DOCK9: variants seen among roughly 807,000 people sequenced by gnomAD.
The protein encoded by DOCK9 is dedicator of cytokinesis protein 9.
In DOCK9, 89 loss-of-function variants were observed where a neutral mutation model predicts 263.3. That is an observed-to-expected ratio of 0.34 (90% CI 0.28 to 0.40). DOCK9 has a LOEUF of 0.40. Ranked by LOEUF, DOCK9 falls within the 10% of genes least tolerant of loss-of-function variation. The pLI is 1.00. For missense variants in DOCK9, 2,140 were observed against 2,603.4 expected, an observed-to-expected ratio of 0.82 and a Z score of 3.87; for synonymous variants, 976 against 973.1, an observed-to-expected ratio of 1.00 and a Z score of -0.06.
intron 45 of DOCK9, among the ~76,000 whole-genome samples, chr13:98,812,230 TG>T (rs1341873737): frequency 1.4e-5 from 2 of 146,870 alleles, no homozygotes; most frequent in African/African-American, 5.1e-5. Context: ...CAAAAGGTAC[TG>T]AGTACTCCAC....
At chr13:98,898,625 C>G (rs2047788413) in intron 13 of DOCK9, among the ~76,000 whole-genome samples, 2 of 152,126 alleles carry the variant, frequency 1.3e-5, no homozygotes, top group Admixed American at 6.5e-5. Context: ...GTATCCATAT[C>G]AAAATATATC....
chr13:98,818,596 G>C (rs2092059423), intron 45 of DOCK9, among the ~76,000 whole-genome samples: 1 of 151,606 alleles, frequency 6.6e-6, no homozygotes, highest in African/African-American at 2.4e-5. Flanking sequence ...AAGCTGGTTG[G>C]GGGAAAATAT....
In DOCK9 at chr13:98,885,729, T is replaced by G. The variant is rs750991911; in HGVS notation, c.2239A>C (p.Arg747=). Residue 747 remains arginine, a synonymous_variant, in exon 20 of 53, where the codon AGG becomes CGG. Coordinates refer to ENST00000682017, the MANE Select transcript of DOCK9 (RefSeq NM_001366683.2). ...DNSSKGSTKK[R]DVVETQVGYS... ...CAACCTTGGGTTTCAACGACATCCC[T>G]CTTCTTCGTGCTTCCTTTACTTGAG... is the stretch of plus-strand genomic sequence containing the variant. The G allele has an allele frequency of 1.2e-6, 2 of 1,611,616 alleles. No homozygotes were observed. The highest frequency in any genetic ancestry group is 2.2e-5 in the South Asian group (2 of 90,460).
chr13:98,951,183 G>T (rs2057369693), intron 2 of DOCK9, among the ~76,000 whole-genome samples: 1 of 152,000 alleles, frequency 6.6e-6, no homozygotes, highest in Non-Finnish European at 1.5e-5. Context: ...GAAAAATAAA[G>T]GTTTATTAAT....
At chr13:99,007,509 C>A (rs1383632997) in intron 1 of DOCK9, among the ~76,000 whole-genome samples, 1 of 152,188 alleles carries the variant, frequency 6.6e-6, no homozygotes, top group Non-Finnish European at 1.5e-5. Flanking sequence ...GCAGTAGCAG[C>A]TTTATTCATC....
intron 15 of DOCK9, among the ~76,000 whole-genome samples, chr13:98,895,180 G>A (rs1166719527): frequency 1.3e-5 from 2 of 150,248 alleles, no homozygotes; most frequent in African/African-American, 2.4e-5. Flanking sequence ...TGGGGGAAGA[G>A]TTAAATAATC....
In DOCK9 at chr13:99,071,306, C is replaced by CCTTTTTTTTTTTTTTTTTT. The variant is rs1286343497; in HGVS notation, c.129+14916_129+14917insAAAAAAAAAAAAAAAAAAG. On this transcript the variant is annotated intron_variant, in intron 1 of 32. Coordinates refer to the DOCK9 transcript ENST00000427887. Reference sequence around the variant, plus strand: ...TACAGGTGCTTGCCACCATGCCTGGCTTTTTTTTTTTTTTTTTTTTTTTTT... The same window carrying CCTTTTTTTTTTTTTTTTTT: ...TACAGGTGCTTGCCACCATGCCTGGCCTTTTTTTTTTTTTTTTTTTTTTTTTTTTTTTTTTTTTTTTTTT... Among the ~76,000 whole-genome samples the CCTTTTTTTTTTTTTTTTTT allele has an allele frequency of 8.1e-5, 4 of 49,320 alleles. No individual in the cohort carries two copies. In the Admixed American group the frequency reaches 1.1e-3, roughly 14 times the overall value. 32.4% of individuals were successfully genotyped at this position (49,320 alleles called of 152,430 possible).
intron 33 of DOCK9, chr13:98,858,890 G>T (rs539142529): frequency 1.3e-5 from 2 of 152,312 alleles, no homozygotes; most frequent in East Asian, 3.9e-4. Flanking sequence ...GAGTCAAACA[G>T]AAGTATTAAA....
chr13:98,978,855 C>T (rs547110137), upstream of DOCK9, among the ~76,000 whole-genome samples: 3 of 152,150 alleles, frequency 2.0e-5, no homozygotes, highest in Admixed American at 2.0e-4. Flanking sequence ...CACCAACCTA[C>T]GGTTCAATGG....
At chr13:98,849,946 G>A in intron 36 of DOCK9, 101 bp downstream of exon 36, 1 of 820,072 alleles carries the variant, frequency 1.2e-6, no homozygotes, top group Non-Finnish European at 2.0e-6. Context: ...GTGAGGATGT[G>A]ACATACACTA....
intron 2 of DOCK9, among the ~76,000 whole-genome samples, chr13:98,951,962 A>T (rs2057481183): frequency 6.8e-6 from 1 of 147,032 alleles, no homozygotes. Flanking sequence ...CAATGGCGCG[A>T]TCTTGGCTCA....
At chr13:99,058,481 A>G (rs1301776544) in intron 1 of DOCK9, among the ~76,000 whole-genome samples, 1 of 152,110 alleles carries the variant, frequency 6.6e-6, no homozygotes, top group Non-Finnish European at 1.5e-5. Flanking sequence ...TGATATCTTG[A>G]TACAAACAGT....
chr13:99,082,404 A>T (rs766965731), intron 1 of DOCK9, among the ~76,000 whole-genome samples: 8 of 151,294 alleles, frequency 5.3e-5, no homozygotes, highest in Non-Finnish European at 8.8e-5. Context: ...CTATAATCTC[A>T]GCTACTCAGG....
intron 1 of DOCK9, among the ~76,000 whole-genome samples, chr13:99,035,991 A>G (rs796875433): frequency 7.2e-5 from 11 of 152,256 alleles, no homozygotes; most frequent in African/African-American, 2.6e-4. Flanking sequence ...CAATTGCAAC[A>G]TCAGCTCTTC....
At chr13:98,897,667 A>AT in intron 14 of DOCK9, 57 bp from the exon 15 acceptor site, 1 of 1,595,758 alleles carries the variant, frequency 6.3e-7, no homozygotes. Context: ...AAATCAATTC[A>AT]TTATTTAAGT....
At chr13:99,008,234 A>AT (rs398024127) in intron 1 of DOCK9, among the ~76,000 whole-genome samples, 1,810 of 93,874 alleles carry the variant, frequency 0.019, 41 homozygotes, top group East Asian at 0.048. Flanking sequence ...ATATATATAT[A>AT]TTTTTTTTTT....
intron 49 of DOCK9, among the ~76,000 whole-genome samples, chr13:98,804,218 G>A (rs952632713): frequency 3.3e-5 from 5 of 152,068 alleles, no homozygotes; most frequent in East Asian, 1.9e-4. Context: ...CATTCTCAAC[G>A]GCCCTCCCAC....
chr13:99,077,660 G>A (rs1017153681), intron 1 of DOCK9, among the ~76,000 whole-genome samples: 1 of 152,224 alleles, frequency 6.6e-6, no homozygotes, highest in Non-Finnish European at 1.5e-5. Context: ...GTTGCAGCAG[G>A]CATCAGTGCT....
intron 1 of DOCK9, among the ~76,000 whole-genome samples, chr13:99,076,695 C>T (rs529765413): frequency 7.9e-5 from 12 of 152,058 alleles, no homozygotes; most frequent in South Asian, 4.2e-4. Flanking sequence ...ATAGGAAATA[C>T]GAAAAGGATA....
Sources: gnomAD v4.1 joint callset for allele counts (sites outside exome capture counted in the v4.1 genomes callset) on GRCh38, gnomAD v4.1.1 for gene constraint, MANE v1.5 for transcripts, NCBI Gene and HGNC (gene_info 2026-07-23, HGNC 2026-07-21) for gene names.